Variants in PRRX1 observed in about 807,000 individuals in gnomAD.
The protein encoded by PRRX1 is paired mesoderm homeobox protein 1.
Under a neutral mutation model 24.0 loss-of-function variants are expected in PRRX1, and 8 were observed. The ratio of observed to expected loss-of-function variants is 0.33; its 90% confidence interval spans 0.20 to 0.60. The LOEUF is 0.60. Ranked by LOEUF, PRRX1 falls within the 20% of genes least tolerant of loss-of-function variation. The pLI is 0.82. For missense variants in PRRX1, 281 were observed against 322.4 expected, an observed-to-expected ratio of 0.87 and a Z score of 0.98; for synonymous variants, 160 against 131.7, an observed-to-expected ratio of 1.22 and a Z score of -1.47.
intron 1 of PRRX1, among the ~76,000 whole-genome samples, chr1:170,676,162 C>A (rs1346677796): frequency 6.6e-6 from 1 of 152,058 alleles, no homozygotes; most frequent in Non-Finnish European, 1.5e-5. Context: ...TTTTGCTAGC[C>A]ATATTTCAAA....
At chr1:170,664,601 C>A in intron 1 of PRRX1, 142 bp downstream of exon 1, 2 of 1,324,590 alleles carry the variant, frequency 1.5e-6, no homozygotes, top group Non-Finnish European at 2.0e-6. Context: ...AAAGGAAGGG[C>A]CAGTCACAGG....
At chr1:170,720,962 C>T (rs1655062006) in intron 2 of PRRX1, among the ~76,000 whole-genome samples, 2 of 152,198 alleles carry the variant, frequency 1.3e-5, no homozygotes, top group Admixed American at 1.3e-4. Flanking sequence ...TTCATCCTCA[C>T]ACCAATTCAG....
chr1:170,686,486 G>T (rs566365792), intron 1 of PRRX1, among the ~76,000 whole-genome samples: 1 of 152,194 alleles, frequency 6.6e-6, no homozygotes, highest in East Asian at 1.9e-4. Context: ...TGGGGAGTGG[G>T]TCTAAGAAAA....
Position 170,724,948 on chromosome 1 carries a change from G to A in PRRX1, c.418-1272G>A, listed in dbSNP as rs192902335. Among the ~76,000 whole-genome samples, 156 of 152,212 alleles carry A rather than the reference G, an allele frequency of 1.0e-3. 1 individual carries two copies. Among genetic ancestry groups the A allele is most frequent in the Non-Finnish European group, 1.6e-4 (11 of 67,986 alleles). On this transcript the variant is annotated intron_variant, in intron 2 of 3. Coordinates refer to ENST00000239461, the MANE Select transcript of PRRX1 (RefSeq NM_022716.4). ...TTTTCCATTTGTTTGTGTCCTCTCT[G>A]ATTTCCTTGAGCAATGGTTTTTAGT...
chr1:170,683,316 C>G (rs1477607367), intron 1 of PRRX1, among the ~76,000 whole-genome samples: 2 of 152,120 alleles, frequency 1.3e-5, no homozygotes, highest in Non-Finnish European at 2.9e-5. Context: ...TGGTCGGCAC[C>G]CAGAGTGTGA....
chr1:170,708,525 T>C (rs920936655), intron 1 of PRRX1, among the ~76,000 whole-genome samples: 4 of 152,162 alleles, frequency 2.6e-5, no homozygotes, highest in Non-Finnish European at 4.4e-5. Context: ...ACACGGTGAC[T>C]GGAAATGACT....
At chr1:170,717,279 GTGGTTTA>G (rs1314329354) in intron 1 of PRRX1, among the ~76,000 whole-genome samples, 1 of 152,218 alleles carries the variant, frequency 6.6e-6, no homozygotes, top group African/African-American at 2.4e-5. Flanking sequence ...AGGGGAGTTG[GTGGTTTA>G]TGGTAGACAG....
In PRRX1 at chr1:170,736,229, C is replaced by A; in HGVS notation, c.*43C>A. 6.2e-7 allele frequency: 1 copy of A among 1,607,748 alleles called. No homozygotes were observed. Among genetic ancestry groups the A allele is most frequent in the Non-Finnish European group, 8.5e-7 (1 of 1,174,548 alleles). Reference sequence around the variant, plus strand: ...ACAGGCCTAAGAAGAAATCAAAAACCATAAGACACCTATCCTGCTCTGTTA... The same window carrying A: ...ACAGGCCTAAGAAGAAATCAAAAACAATAAGACACCTATCCTGCTCTGTTA... On this transcript the variant is annotated 3_prime_UTR_variant, in exon 4 of 4. Coordinates refer to ENST00000239461, the MANE Select transcript of PRRX1 (RefSeq NM_022716.4).
At chr1:170,682,905 A>G (rs1333162451) in intron 1 of PRRX1, among the ~76,000 whole-genome samples, 2 of 152,264 alleles carry the variant, frequency 1.3e-5, no homozygotes, top group African/African-American at 2.4e-5. Context: ...AAAGCCTTCC[A>G]GGCAGAGGAA....
rs149731143 is a variant in PRRX1 at position 170,726,274 on chromosome 1, G to A, written c.472G>A (p.Ala158Thr). The A allele has an allele frequency of 3.1e-6, 5 of 1,613,954 alleles. No individual in the cohort carries two copies. The highest frequency in any genetic ancestry group is 1.3e-5 in the African/African-American group (1 of 74,914). The change falls in exon 3 of 4, where the codon GCC (alanine) becomes ACC (threonine). Residue 158 changes from alanine (A) to threonine (T), a missense_variant. Coordinates refer to ENST00000239461, the MANE Select transcript of PRRX1 (RefSeq NM_022716.4). Reference sequence around the variant, plus strand: ...CCGCAGGAATGAGAGAGCCATGCTAGCCAATAAAAACGCTTCCCTCCTCAA... The same window carrying A: ...CCGCAGGAATGAGAGAGCCATGCTAACCAATAAAAACGCTTCCCTCCTCAA... ...KFRRNERAML[A>T]NKNASLLKSY...
intron 1 of PRRX1, among the ~76,000 whole-genome samples, chr1:170,699,528 G>A (rs1486248282): frequency 2.6e-5 from 4 of 151,966 alleles, no homozygotes; most frequent in Admixed American, 6.6e-5. Context: ...ATGGGATTGG[G>A]GAAAGGCTTC....
intron 3 of PRRX1, among the ~76,000 whole-genome samples, chr1:170,734,526 G>A (rs1655544049): frequency 6.6e-6 from 1 of 152,120 alleles, no homozygotes; most frequent in Admixed American, 6.5e-5. Context: ...AAAGAACGTA[G>A]CCTGGTCTAG....
intron 3 of PRRX1, 149 bp from the exon 4 acceptor site, chr1:170,735,899 G>C (rs560396933): frequency 1.9e-6 from 2 of 1,030,330 alleles, no homozygotes; most frequent in Admixed American, 1.7e-5. Flanking sequence ...ATGGAAAGCT[G>C]GGGCTGTAAG....
upstream of PRRX1, chr1:170,664,045 ATT>A (rs11286665): frequency 0.016 from 8,723 of 530,204 alleles, 3 homozygotes; most frequent in East Asian, 0.019. Context: ...CTCTTTTCCA[ATT>A]TTTTTTTTTT....
intron 1 of PRRX1, among the ~76,000 whole-genome samples, chr1:170,687,892 A>G (rs571758006): frequency 6.6e-6 from 1 of 152,324 alleles, no homozygotes; most frequent in African/African-American, 2.4e-5. Flanking sequence ...CCGGGGTCAA[A>G]GAGCAAGTGG....
chr1:170,734,156 C>T (rs970435795), intron 3 of PRRX1, among the ~76,000 whole-genome samples: 2 of 151,792 alleles, frequency 1.3e-5, no homozygotes, highest in Non-Finnish European at 2.9e-5. Context: ...CTGACTTTGC[C>T]CTTTCTATTA....
At chr1:170,665,774 C>T (rs1652904656) in intron 1 of PRRX1, among the ~76,000 whole-genome samples, 1 of 152,258 alleles carries the variant, frequency 6.6e-6, no homozygotes, top group Non-Finnish European at 1.5e-5. Context: ...TGGTCTTCAC[C>T]CTGCTTCCTT....
intron 1 of PRRX1, among the ~76,000 whole-genome samples, chr1:170,673,935 A>G (rs1187559683): frequency 6.6e-6 from 1 of 152,212 alleles, no homozygotes; most frequent in Non-Finnish European, 1.5e-5. Flanking sequence ...CTCTGTATCC[A>G]TGCTTGTCCT....
At chr1:170,664,067 C>T, upstream of PRRX1, 3 of 765,414 alleles carry the variant, frequency 3.9e-6, no homozygotes, top group Non-Finnish European at 6.0e-6. Context: ...TGGCCTTCCT[C>T]TCCTTCCCTC....
Sources: gnomAD v4.1 joint callset for allele counts (sites outside exome capture counted in the v4.1 genomes callset) on GRCh38, gnomAD v4.1.1 for gene constraint, MANE v1.5 for transcripts, NCBI Gene and HGNC (gene_info 2026-07-23, HGNC 2026-07-21) for gene names.